The following GALNT2 variants were observed in gnomAD, a reference collection of about 807,000 sequenced individuals.
The protein encoded by GALNT2 is UDP-GalNAc:polypeptide N-acetylgalactosaminyltransferase 2.
Under a neutral mutation model 81.4 loss-of-function variants are expected in GALNT2, and 31 were observed. The observed-to-expected ratio is 0.38, with a 90% CI of 0.29 to 0.51. GALNT2 has a LOEUF of 0.51. GALNT2 is among the 20% of genes least tolerant of loss of function. The probability of loss-of-function intolerance (pLI) is 0.87; values close to 1 mark genes in which losing one functional copy is unlikely to be tolerated. For synonymous variants in GALNT2, 303 were observed against 287.4 expected (o/e 1.05, Z -0.55); for missense variants, 629 against 765.7 (o/e 0.82, Z 2.11).
chr1:230,140,818 G>A (rs1661706600), intron 1 of GALNT2, among the ~76,000 whole-genome samples: 2 of 152,118 alleles, frequency 1.3e-5, no homozygotes, highest in African/African-American at 2.4e-5. Flanking sequence ...ACAAAATAAT[G>A]TGACTCCCAG....
At chr1:230,208,674 G>A (rs1664140183) in intron 3 of GALNT2, among the ~76,000 whole-genome samples, 2 of 152,238 alleles carry the variant, frequency 1.3e-5, no homozygotes, top group Admixed American at 1.3e-4. Flanking sequence ...GCCAACGGCT[G>A]ACACTTGAGG....
chr1:230,280,040 C>T lies in GALNT2; in HGVS notation c.*582C>T. 2.2e-6 allele frequency: 1 copy of T among 455,958 alleles called. No individual in the cohort carries two copies. The allele number at this position is 455,958 out of a possible 1,614,324, so 28.2% of individuals were successfully genotyped here. On this transcript the variant is annotated 3_prime_UTR_variant, in exon 16 of 16. Transcript: ENST00000366672. ...CTTGCTATATTGAGGATGAAGTTTTCTATGGTGGGACACTAAATATAAAGC... is the reference window on the plus strand; with the variant it reads ...CTTGCTATATTGAGGATGAAGTTTTTTATGGTGGGACACTAAATATAAAGC...
intron 3 of GALNT2, among the ~76,000 whole-genome samples, chr1:230,227,899 G>A (rs1664761842): frequency 6.6e-6 from 1 of 152,158 alleles, no homozygotes; most frequent in South Asian, 2.1e-4. Context: ...CTTAAGAATT[G>A]CAAGATGTGT....
At chr1:230,142,215 G>A (rs1044071463) in intron 1 of GALNT2, among the ~76,000 whole-genome samples, 7 of 152,128 alleles carry the variant, frequency 4.6e-5, no homozygotes, top group African/African-American at 1.4e-4. Flanking sequence ...AAGCATGAGG[G>A]ATGGCATCCG....
At chr1:230,121,302 G>A (rs913216811) in intron 1 of GALNT2, among the ~76,000 whole-genome samples, 5 of 152,354 alleles carry the variant, frequency 3.3e-5, no homozygotes, top group African/African-American at 9.6e-5. Context: ...CTGAGGAGGC[G>A]CTGTCTTAGT....
At chr1:230,111,966 A>G (rs138812391) in intron 1 of GALNT2, among the ~76,000 whole-genome samples, 58 of 151,926 alleles carry the variant, frequency 3.8e-4, no homozygotes, top group African/African-American at 1.4e-3. Flanking sequence ...CTTGATTGCA[A>G]GCAAAAGCAG....
Position 230,067,244 on chromosome 1 carries a change from G to C in GALNT2, c.-37G>C. 1 of 1,245,464 alleles carries C rather than the reference G, an allele frequency of 8.0e-7. No individual in the cohort carries two copies. The highest frequency in any genetic ancestry group is 1.0e-6 in the Non-Finnish European group (1 of 986,910). The allele number at this position is 1,245,464 out of a possible 1,614,324, so 77.2% of individuals were successfully genotyped here. The stretch of plus-strand genomic sequence containing the variant: ...CGCGGCCGGCCCAGGCAGCACTCGC[G>C]AGCAGCGGCGGCCCCGCCGGCGGCC... On this transcript the variant is annotated 5_prime_UTR_variant, in exon 1 of 16. Transcript: ENST00000366672.
At chr1:230,240,722 T>G (rs1031679199) in intron 6 of GALNT2, among the ~76,000 whole-genome samples, 4 of 152,192 alleles carry the variant, frequency 2.6e-5, no homozygotes. Context: ...TTTATATTTA[T>G]CCTGCTTCAA....
At chr1:230,260,501 C>T (rs1244049339) in intron 11 of GALNT2, among the ~76,000 whole-genome samples, 1 of 152,282 alleles carries the variant, frequency 6.6e-6, no homozygotes, top group African/African-American at 2.4e-5. Flanking sequence ...GATTTGAAAA[C>T]AGTATGACTG....
chr1:230,123,796 T>A (rs542643200), intron 1 of GALNT2, among the ~76,000 whole-genome samples: 1 of 152,256 alleles, frequency 6.6e-6, no homozygotes, highest in Admixed American at 6.5e-5. Context: ...TTTTGTCTAC[T>A]TTAACCTCAT....
At chr1:230,141,071 A>T (rs1661715721) in intron 1 of GALNT2, among the ~76,000 whole-genome samples, 1 of 152,262 alleles carries the variant, frequency 6.6e-6, no homozygotes, top group African/African-American at 2.4e-5. Context: ...GTAGGTAACC[A>T]TGCTTAAAGA....
intron 1 of GALNT2, among the ~76,000 whole-genome samples, chr1:230,177,976 A>G (rs886618535): frequency 1.3e-5 from 2 of 152,220 alleles, no homozygotes; most frequent in African/African-American, 4.8e-5. Context: ...CAATACAAAT[A>G]TAAAATGAAG....
At chr1:230,269,412 G>A (rs902961886) in intron 14 of GALNT2, among the ~76,000 whole-genome samples, 13 of 151,942 alleles carry the variant, frequency 8.6e-5, no homozygotes, top group Admixed American at 5.9e-4. Flanking sequence ...TCTCGAACTC[G>A]TGACCTCAAG....
intron 4 of GALNT2, 55 bp downstream of exon 4, chr1:230,236,167 C>G: frequency 6.5e-7 from 1 of 1,547,804 alleles, no homozygotes; most frequent in Non-Finnish European, 8.9e-7. Context: ...AGCTGTGTCC[C>G]AGGCACAGTC....
Position 230,179,910 on chromosome 1 carries a change from A to G in GALNT2, c.220+1599A>G, listed in dbSNP as rs1280294061. ...TTCTATGTTATCTTCTATGAGTTTT[A>G]TACTTTGGTGTATTTACTTATTTAT... is the stretch of plus-strand genomic sequence containing the variant. On this transcript the variant is annotated intron_variant, in intron 2 of 15. Coordinates refer to ENST00000366672, the MANE Select transcript of GALNT2 (RefSeq NM_004481.5). 2.6e-5 allele frequency among the ~76,000 whole-genome samples: 4 copies of G among 152,252 alleles called. No homozygotes were observed. In the South Asian group the frequency reaches 6.2e-4, roughly 24 times the overall value.
In GALNT2 at chr1:230,070,649, C is replaced by G. The variant is rs1407000302; in HGVS notation, c.126+3243C>G. Among the ~76,000 whole-genome samples the G allele has an allele frequency of 6.6e-6, 1 of 151,660 alleles. No individual in the cohort carries two copies. Among genetic ancestry groups the G allele is most frequent in the Non-Finnish European group, 1.5e-5 (1 of 67,888 alleles). ...TGGCACGAGTCCTGTGGCCCTTGCC[C>G]GAGAGTCCAAGGGTGGGGGACTTTG... On this transcript the variant is annotated intron_variant, in intron 1 of 15. Transcript: ENST00000366672. The surrounding 1 kb of genome is among the most constrained non-coding windows in gnomAD (Gnocchi z 4.7).
chr1:230,250,876 C>A (rs3789628), intron 10 of GALNT2, among the ~76,000 whole-genome samples: 7 of 152,040 alleles, frequency 4.6e-5, no homozygotes, highest in African/African-American at 1.4e-4. Flanking sequence ...GGGAAACAGT[C>A]CAGGAGCTCA....
At chr1:230,183,048 T>C (rs1449104730) in intron 2 of GALNT2, among the ~76,000 whole-genome samples, 1 of 152,244 alleles carries the variant, frequency 6.6e-6, no homozygotes, top group Non-Finnish European at 1.5e-5. Flanking sequence ...AAAGTCTACA[T>C]TGTCAGAAAT....
intron 3 of GALNT2, among the ~76,000 whole-genome samples, chr1:230,210,219 T>A (rs530010127): frequency 6.6e-6 from 1 of 152,332 alleles, no homozygotes; most frequent in Non-Finnish European, 1.5e-5. Context: ...AATCTCTTTC[T>A]CTCTACTAGG....
Sources: allele counts gnomAD v4.1 joint callset (sites outside exome capture counted in the v4.1 genomes callset), GRCh38; gene constraint gnomAD v4.1.1; non-coding constraint Gnocchi (gnomAD v3.1); transcripts MANE v1.5; gene names NCBI Gene and HGNC (gene_info 2026-07-23, HGNC 2026-07-21).